The following GPR158 variants were observed in gnomAD, a reference collection of about 807,000 sequenced individuals.
GPR158 encodes the protein G protein-coupled receptor 158.
In GPR158, 30 loss-of-function variants were observed where a neutral mutation model predicts 78.2. The ratio of observed to expected loss-of-function variants is 0.38; its 90% CI spans 0.29 to 0.52. GPR158 has a LOEUF of 0.52. Among genes scored for constraint, GPR158 ranks in the 20% least tolerant of loss-of-function variants. GPR158 has a pLI of 0.83. For missense variants in GPR158, 1,463 were observed against 1,523.5 expected (o/e 0.96, Z 0.66); for synonymous variants, 581 against 591.1 (o/e 0.98, Z 0.25).
At chr10:25,441,248 G>T (rs536138559) in intron 4 of GPR158, among the ~76,000 whole-genome samples, 1 of 152,144 alleles carries the variant, frequency 6.6e-6, no homozygotes, top group South Asian at 2.1e-4. Context: ...CTGGTGCTCT[G>T]TCTGGCTACC....
intron 5 of GPR158, among the ~76,000 whole-genome samples, chr10:25,511,890 A>T (rs984745749): frequency 1.3e-5 from 2 of 152,106 alleles, no homozygotes; most frequent in African/African-American, 2.4e-5. Context: ...TCATTGGTCT[A>T]TGTGCCTATT....
intron 4 of GPR158, among the ~76,000 whole-genome samples, chr10:25,459,284 T>C (rs1021083824): frequency 3.3e-5 from 5 of 152,164 alleles, no homozygotes; most frequent in East Asian, 1.9e-4. Flanking sequence ...CCTGCTTGCA[T>C]TGGTATATCT....
chr10:25,443,870 G>A lies in GPR158; in HGVS notation c.1336-22781G>A, dbSNP rs866195401. ...TCTTTCAGACCTCAACTCCTCCATCGCTCTCAATGAAGCCCCTTCTATGCT... is the reference window on the plus strand; with the variant it reads ...TCTTTCAGACCTCAACTCCTCCATCACTCTCAATGAAGCCCCTTCTATGCT... On this transcript the variant is annotated intron_variant, in intron 4 of 10. Transcript: ENST00000376351. Among the ~76,000 whole-genome samples, 11 of 151,956 alleles carry A rather than the reference G, an allele frequency of 7.2e-5. No homozygotes were observed. In the East Asian group the frequency reaches 1.4e-3, roughly 19 times the overall value.
chr10:25,349,939 A>G (rs1379542851), intron 2 of GPR158, among the ~76,000 whole-genome samples: 1 of 151,994 alleles, frequency 6.6e-6, no homozygotes, highest in African/African-American at 2.4e-5. Context: ...TTCATCTGGA[A>G]ATTCTGCTAG....
chr10:25,542,242 GAAGC>G (rs1279379324), intron 5 of GPR158, among the ~76,000 whole-genome samples: 1 of 152,048 alleles, frequency 6.6e-6, no homozygotes, highest in Non-Finnish European at 1.5e-5. Context: ...TCACTGAACT[GAAGC>G]AAATAACACT....
intron 2 of GPR158, among the ~76,000 whole-genome samples, chr10:25,259,834 G>C (rs543007226): frequency 6.6e-6 from 1 of 151,716 alleles, no homozygotes; most frequent in African/African-American, 2.4e-5. Context: ...CTTTATTTTT[G>C]TGTTGCTATG....
At chr10:25,555,018 AAAAG>A (rs753781740) in intron 6 of GPR158, among the ~76,000 whole-genome samples, 48 of 152,106 alleles carry the variant, frequency 3.2e-4, no homozygotes, top group Non-Finnish European at 5.0e-4. Context: ...GGAAAGAAAG[AAAAG>A]AAAAGAAGAG....
In GPR158 at chr10:25,538,942, T is replaced by A. The variant is rs1376302556; in HGVS notation, c.1405-12034T>A. ...TAGTCATATGTTTCTTTGTTTATTATGTGTATTAGAATGGGCTGTTTCCAT... is the reference window on the plus strand; with the variant it reads ...TAGTCATATGTTTCTTTGTTTATTAAGTGTATTAGAATGGGCTGTTTCCAT... On this transcript the variant is annotated intron_variant, in intron 5 of 10. Coordinates refer to ENST00000376351, the MANE Select transcript of GPR158 (RefSeq NM_020752.3). Among the ~76,000 whole-genome samples, 12 of 152,178 alleles carry A rather than the reference T, an allele frequency of 7.9e-5. No homozygotes were observed. The East Asian group carries it at 2.3e-3, about 29-fold the overall frequency.
intron 2 of GPR158, among the ~76,000 whole-genome samples, chr10:25,261,857 T>A (rs1853972889): frequency 6.6e-6 from 1 of 152,136 alleles, no homozygotes; most frequent in African/African-American, 2.4e-5. Flanking sequence ...TTGGTAGAGT[T>A]TTGCCATCAT....
chr10:25,394,404 C>T (rs1427306591), intron 2 of GPR158, among the ~76,000 whole-genome samples: 2 of 152,198 alleles, frequency 1.3e-5, no homozygotes, highest in Admixed American at 6.5e-5. Flanking sequence ...AGTGCTTCTC[C>T]TAAATACATG....
chr10:25,190,578 G>A (rs912885826), intron 1 of GPR158, among the ~76,000 whole-genome samples: 5 of 152,018 alleles, frequency 3.3e-5, no homozygotes, highest in Non-Finnish European at 4.4e-5. Context: ...CAATCCACCC[G>A]CATCAGCCTC....
intron 4 of GPR158, among the ~76,000 whole-genome samples, chr10:25,438,890 T>G (rs1588864804): frequency 6.6e-6 from 1 of 152,178 alleles, no homozygotes. Flanking sequence ...AAAAATCAAA[T>G]GAGAAAAATA....
intron 2 of GPR158, among the ~76,000 whole-genome samples, chr10:25,313,260 A>T (rs1369013730): frequency 2.4e-5 from 2 of 84,692 alleles, no homozygotes; most frequent in South Asian, 4.8e-4. Flanking sequence ...GGGTGGGGGG[A>T]GGGGGGAGGG....
intron 10 of GPR158, 34 bp from the exon 11 acceptor site, chr10:25,597,738 C>A: frequency 6.8e-7 from 1 of 1,477,556 alleles, no homozygotes. Context: ...ACACTAAATT[C>A]TACACTTCTT....
chr10:25,495,846 C>T (rs1377581248), intron 5 of GPR158, among the ~76,000 whole-genome samples: 1 of 151,980 alleles, frequency 6.6e-6, no homozygotes, highest in Non-Finnish European at 1.5e-5. Context: ...GAAATTTTGC[C>T]TCCACCTTAG....
chr10:25,571,898 C>T (rs1837014160), intron 6 of GPR158, among the ~76,000 whole-genome samples: 1 of 152,134 alleles, frequency 6.6e-6, no homozygotes. Flanking sequence ...TGGCCTTAGT[C>T]TACCAAATGT....
At chr10:25,579,332 C>T (rs568988508) in intron 7 of GPR158, among the ~76,000 whole-genome samples, 3 of 152,184 alleles carry the variant, frequency 2.0e-5, no homozygotes, top group East Asian at 1.9e-4. Flanking sequence ...ACTTCTCATG[C>T]CTGAATTAAC....
intron 2 of GPR158, among the ~76,000 whole-genome samples, chr10:25,292,014 A>G (rs576026065): frequency 2.0e-3 from 309 of 152,216 alleles, no homozygotes; most frequent in African/African-American, 6.9e-3. Flanking sequence ...ATTTTTGCAT[A>G]AACTTGGCCC....
chr10:25,241,189 CCTTT>C (rs1357175853), intron 2 of GPR158, among the ~76,000 whole-genome samples: 2,570 of 55,586 alleles, frequency 0.046, 84 homozygotes, highest in African/African-American at 0.16. Flanking sequence ...TTCTTTCTTT[CCTTT>C]CTTTCTTTCC....
Sources: allele counts gnomAD v4.1 joint callset (sites outside exome capture counted in the v4.1 genomes callset), GRCh38; gene constraint gnomAD v4.1.1; transcripts MANE v1.5; gene names NCBI Gene and HGNC (gene_info 2026-07-23, HGNC 2026-07-21).